SCAF8: variants seen among roughly 807,000 people sequenced by gnomAD.
The protein encoded by SCAF8 is SR-related CTD associated factor 8, also known as SR-related and CTD-associated factor 8.
In SCAF8, 23 loss-of-function variants were observed where a neutral mutation model predicts 140.5. The ratio of observed to expected loss-of-function variants is 0.16; its 90% CI spans 0.12 to 0.23. The LOEUF is 0.23. Ranked by LOEUF, SCAF8 falls within the 10% of genes least tolerant of loss-of-function variation. SCAF8 has a pLI of 1.00. For missense variants in SCAF8, 1,397 were observed against 1,555.7 expected (o/e 0.90, Z 1.72); for synonymous variants, 575 against 528.9 (o/e 1.09, Z -1.20).
At chr6:154,733,971 GCCCCCACCC>G in intron 1 of SCAF8, 41 bp downstream of exon 1, 1 of 1,501,250 alleles carries the variant, frequency 6.7e-7, no homozygotes, top group Non-Finnish European at 8.8e-7. Flanking sequence ...TGCCCGCACC[GCCCCCACCC>G]CTGGTCGAGG....
intron 1 of SCAF8, among the ~76,000 whole-genome samples, chr6:154,744,737 T>G (rs1473929521): frequency 1.3e-5 from 2 of 152,224 alleles, no homozygotes; most frequent in East Asian, 3.8e-4. Flanking sequence ...AATACAAATT[T>G]ATTTTTTCCT....
At chr6:154,777,953 C>A in intron 2 of SCAF8, 48 bp from the exon 3 acceptor site, 3 of 1,171,902 alleles carry the variant, frequency 2.6e-6, no homozygotes, top group African/African-American at 1.5e-5. Context: ...AAATTTCAAT[C>A]TCCTCAAACT....
At chr6:154,760,576 T>C (rs1776354864) in intron 1 of SCAF8, among the ~76,000 whole-genome samples, 1 of 152,186 alleles carries the variant, frequency 6.6e-6, no homozygotes, top group South Asian at 2.1e-4. Flanking sequence ...CTCTGCTAAC[T>C]GTGTCTATTA....
chr6:154,802,251 C>G, intron 7 of SCAF8, 104 bp downstream of exon 7: 1 of 632,156 alleles, frequency 1.6e-6, no homozygotes, highest in East Asian at 3.1e-5. Context: ...CTTTCAGTAT[C>G]TCCTGTACAC....
At chr6:154,748,008 T>G (rs117461647) in intron 1 of SCAF8, among the ~76,000 whole-genome samples, 2,942 of 152,112 alleles carry the variant, frequency 0.019, 29 homozygotes, top group Middle Eastern at 0.051. Flanking sequence ...ACATTTTAAT[T>G]GCAGAGAGGA....
chr6:154,796,873 G>A lies in SCAF8; in HGVS notation c.606+1734G>A, dbSNP rs188052666. Among the ~76,000 whole-genome samples, 295 of 152,168 alleles carry A rather than the reference G, an allele frequency of 1.9e-3. 1 individual carries two copies. The highest frequency in any genetic ancestry group is 6.6e-3 in the African/African-American group (275 of 41,498). On this transcript the variant is annotated intron_variant, in intron 6 of 19. Coordinates refer to ENST00000367178, the MANE Select transcript of SCAF8 (RefSeq NM_014892.5). ...TGTAATCCCAGCTACTTAGGAGGCT[G>A]AGGCAGGAGAATCGCTTGAACCTCA... is the stretch of plus-strand genomic sequence containing the variant.
At chr6:154,784,622 A>C (rs1378062886) in intron 3 of SCAF8, among the ~76,000 whole-genome samples, 1 of 152,194 alleles carries the variant, frequency 6.6e-6, no homozygotes, top group East Asian at 1.9e-4. Flanking sequence ...AATGTGAATG[A>C]AGTGATGTGT....
intron 3 of SCAF8, among the ~76,000 whole-genome samples, chr6:154,779,781 G>GTGTATATATA (rs1212419688): frequency 1.5e-4 from 22 of 144,262 alleles, no homozygotes; most frequent in African/African-American, 5.6e-4. Context: ...GTGTGTGTGT[G>GTGTATATATA]TATATATATA....
At chr6:154,815,574 G>C in intron 12 of SCAF8, 142 bp from the exon 13 acceptor site, 1 of 370,442 alleles carries the variant, frequency 2.7e-6, no homozygotes, top group Non-Finnish European at 5.0e-6. Flanking sequence ...CATAACAGAT[G>C]CAAGTGTTCA....
rs12216285 is a variant in SCAF8 at position 154,738,580 on chromosome 6, G to A, written c.30+4650G>A. The stretch of plus-strand genomic sequence containing the variant: ...CACTACTTTCAATTCTGAAATGATG[G>A]AAGACTTAAGTTCAGATTACAATAC... On this transcript the variant is annotated intron_variant, in intron 1 of 19. Coordinates refer to ENST00000367178, the MANE Select transcript of SCAF8 (RefSeq NM_014892.5). Among the ~76,000 whole-genome samples the A allele has an allele frequency of 7.6e-3, 1,154 of 152,286 alleles. 7 individuals are homozygous for A. The highest frequency in any genetic ancestry group is 0.015 in the Admixed American group (223 of 15,288).
At chr6:154,739,501 T>C (rs1334836878) in intron 1 of SCAF8, among the ~76,000 whole-genome samples, 2 of 152,214 alleles carry the variant, frequency 1.3e-5, no homozygotes, top group African/African-American at 4.8e-5. Context: ...CTGAATAGGC[T>C]GAGTGGGAAG....
chr6:154,770,646 C>T (rs1165866583), intron 1 of SCAF8, among the ~76,000 whole-genome samples: 1 of 152,048 alleles, frequency 6.6e-6, no homozygotes, highest in Non-Finnish European at 1.5e-5. Flanking sequence ...TTGTCATGAA[C>T]AGATGGGTGC....
intron 1 of SCAF8, among the ~76,000 whole-genome samples, chr6:154,762,484 T>G (rs1776434237): frequency 6.6e-6 from 1 of 152,094 alleles, no homozygotes; most frequent in African/African-American, 2.4e-5. Context: ...ACTACAATAG[T>G]TATCATCGGA....
rs924394459 is a variant in SCAF8 at position 154,770,806 on chromosome 6, G to A, written c.31-3183G>A. Among the ~76,000 whole-genome samples, 31 of 152,088 alleles carry A rather than the reference G, an allele frequency of 2.0e-4. 1 individual carries two copies. The highest frequency in any genetic ancestry group is 6.8e-4 in the African/African-American group (28 of 41,394). On this transcript the variant is annotated intron_variant, in intron 1 of 19. Transcript: ENST00000367178. ...TGTCACCATGCTGGAGTGCGGTGGC[G>A]TAATCTAGGCCCACCGCAACCTCCA...
rs1428203277 is a variant in SCAF8 at position 154,777,291 on chromosome 6, CAT to C, written c.115-709_115-708del. On this transcript the variant is annotated intron_variant, in intron 2 of 19. Coordinates refer to ENST00000367178, the MANE Select transcript of SCAF8 (RefSeq NM_014892.5). ...GTGGCATTAAAATTTATTAGGCACA[CAT>C]GTATATACTATACGCTAAATTTATA... Among the ~76,000 whole-genome samples the C allele has an allele frequency of 9.2e-5, 14 of 152,130 alleles. No individual in the cohort carries two copies. In the South Asian group the frequency reaches 1.9e-3, roughly 20 times the overall value.
intron 1 of SCAF8, among the ~76,000 whole-genome samples, chr6:154,735,675 C>T (rs993961793): frequency 6.6e-6 from 1 of 151,368 alleles, no homozygotes; most frequent in African/African-American, 2.4e-5. Flanking sequence ...CACCACGCCC[C>T]GCTAATTTTT....
At position 154,833,046 on chromosome 6, in the gene SCAF8, G is replaced by T; in HGVS notation, c.3467G>T (p.Trp1156Leu). The change falls in exon 20 of 20, where the codon TGG becomes TTG. Residue 1156 changes from tryptophan (W) to leucine (L), a missense_variant. Trp to Leu is a moderately conservative substitution (Grantham distance 61). Transcript: ENST00000367178. ...HRDFDDRRRP[W>L]ERQRDRDDRD... is the part of the protein sequence containing the mutation. ...GATTTTGATGACCGCAGAAGACCCT[G>T]GGAGAGGCAAAGGGATAGGGATGAC... 1 of 1,614,150 alleles carries T rather than the reference G, an allele frequency of 6.2e-7. No individual in the cohort carries two copies. Among genetic ancestry groups the T allele is most frequent in the Non-Finnish European group, 8.5e-7 (1 of 1,180,018 alleles).
chr6:154,768,213 C>G (rs1776637545), intron 1 of SCAF8, among the ~76,000 whole-genome samples: 1 of 152,130 alleles, frequency 6.6e-6, no homozygotes, highest in African/African-American at 2.4e-5. Context: ...AAGATCTCAA[C>G]CTACTATACA....
chr6:154,738,462 A>T (rs1305471989), intron 1 of SCAF8, among the ~76,000 whole-genome samples: 1 of 152,184 alleles, frequency 6.6e-6, no homozygotes, highest in East Asian at 1.9e-4. Flanking sequence ...TAGGCTCAAT[A>T]ATTTATTTTT....
Sources: allele counts gnomAD v4.1 joint callset (sites outside exome capture counted in the v4.1 genomes callset), GRCh38; gene constraint gnomAD v4.1.1; transcripts MANE v1.5; gene names NCBI Gene and HGNC (gene_info 2026-07-23, HGNC 2026-07-21).